RTN1: variants seen among roughly 807,000 people sequenced by gnomAD.
The protein encoded by RTN1 is reticulon-1.
A neutral mutation model predicts 65.5 loss-of-function variants in RTN1; 25 were observed. That is an observed-to-expected ratio of 0.38 (90% confidence interval 0.28 to 0.53). The LOEUF is 0.53. Among genes scored for constraint, RTN1 ranks in the 20% least tolerant of loss-of-function variants. RTN1 has a pLI of 0.79. For missense variants in RTN1, 983 were observed against 1,025.4 expected, an observed-to-expected ratio of 0.96 and a Z score of 0.57; for synonymous variants, 471 against 447.6, an observed-to-expected ratio of 1.05 and a Z score of -0.66.
At chr14:59,826,436 G>A (rs937149784) in intron 1 of RTN1, among the ~76,000 whole-genome samples, 11 of 152,154 alleles carry the variant, frequency 7.2e-5, no homozygotes, top group African/African-American at 2.4e-4. Flanking sequence ...ATTCCAGTGA[G>A]CTATGTCTAT....
intron 3 of RTN1, among the ~76,000 whole-genome samples, chr14:59,715,023 G>A (rs533719089): frequency 6.6e-6 from 1 of 152,242 alleles, no homozygotes; most frequent in South Asian, 2.1e-4. Context: ...GCTTTGAGGT[G>A]GAACAGTTTC....
In RTN1 at chr14:59,774,490, G is replaced by T. The variant is rs1298593172; in HGVS notation, c.242-28009C>A. Among the ~76,000 whole-genome samples the T allele has an allele frequency of 2.0e-5, 3 of 152,038 alleles. No homozygotes were observed. The highest frequency in any genetic ancestry group is 4.8e-5 in the African/African-American group (2 of 41,376). ...TGAAGTAATTAGGCAAATAATGCAG[G>T]CCAAAAATATGTCTGAAAGCTACTT... On this transcript the variant is annotated intron_variant, in intron 1 of 8. Coordinates refer to ENST00000267484, the MANE Select transcript of RTN1 (RefSeq NM_021136.3). This position sits in a 1 kb window ranked among gnomAD's most constrained non-coding sequence, Gnocchi z 5.1.
At chr14:59,802,725 A>G (rs1352785250) in intron 1 of RTN1, among the ~76,000 whole-genome samples, 1 of 152,226 alleles carries the variant, frequency 6.6e-6, no homozygotes, top group Non-Finnish European at 1.5e-5. Flanking sequence ...CCACTGGGGA[A>G]GCATCACAGG....
intron 1 of RTN1, among the ~76,000 whole-genome samples, chr14:59,857,377 T>C (rs978708503): frequency 6.6e-6 from 1 of 152,214 alleles, no homozygotes; most frequent in Non-Finnish European, 1.5e-5. Flanking sequence ...TCCATTCAAA[T>C]GGCTTGTCAT....
At position 59,836,624 on chromosome 14, in the gene RTN1, T is replaced by C. The variant is rs1887217289; in HGVS notation, c.241+33766A>G. ...AATAGTGGCAGCAGGAAAGCAAAAATGCATTTTTGAGGACCAGCAAGGAAT... is the reference window on the plus strand; with the variant it reads ...AATAGTGGCAGCAGGAAAGCAAAAACGCATTTTTGAGGACCAGCAAGGAAT... On this transcript the variant is annotated intron_variant, in intron 1 of 8. Coordinates refer to ENST00000267484, the MANE Select transcript of RTN1 (RefSeq NM_021136.3). This position sits in a 1 kb window ranked among gnomAD's most constrained non-coding sequence, Gnocchi z 4.9. Among the ~76,000 whole-genome samples, 1 of 152,046 alleles carries C rather than the reference T, an allele frequency of 6.6e-6. No individual in the cohort carries two copies.
chr14:59,630,428 C>T (rs1882515379), intron 3 of RTN1: 1 of 1,613,156 alleles, frequency 6.2e-7, no homozygotes, highest in Admixed American at 1.7e-5. Flanking sequence ...GCATGCACTA[C>T]TGAAATAAAG....
rs182664573 is a variant in RTN1 at position 59,736,546 on chromosome 14, C to G, written c.1016-8878G>C. Among the ~76,000 whole-genome samples the G allele has an allele frequency of 3.1e-3, 466 of 152,172 alleles. 1 individual carries two copies. Among genetic ancestry groups the G allele is most frequent in the Admixed American group, 4.6e-3 (70 of 15,308 alleles). On this transcript the variant is annotated intron_variant, in intron 2 of 8. Transcript: ENST00000267484. ...AGACAACAATAAATAGCCTACCAAC[C>G]AAACAAAAGCCCAGGACCAGGGACA...
intron 1 of RTN1, among the ~76,000 whole-genome samples, chr14:59,866,647 A>C (rs1450257816): frequency 6.6e-6 from 1 of 152,194 alleles, no homozygotes; most frequent in Non-Finnish European, 1.5e-5. Flanking sequence ...CCACAGAAAT[A>C]AATTGCATTA....
chr14:59,860,631 C>G (rs1887691701), intron 1 of RTN1, among the ~76,000 whole-genome samples: 1 of 152,174 alleles, frequency 6.6e-6, no homozygotes, highest in African/African-American at 2.4e-5. Context: ...CACAGGCACT[C>G]AATGCCAGCC....
intron 1 of RTN1, among the ~76,000 whole-genome samples, chr14:59,797,884 A>G (rs1886468170): frequency 6.6e-6 from 1 of 152,206 alleles, no homozygotes; most frequent in Non-Finnish European, 1.5e-5. Flanking sequence ...TGACCCAGTG[A>G]TGCCAACATT....
chr14:59,611,472 G>T (rs997886112), intron 3 of RTN1, among the ~76,000 whole-genome samples: 1 of 152,166 alleles, frequency 6.6e-6, no homozygotes, highest in African/African-American at 2.4e-5. Flanking sequence ...TCTGTCTGTA[G>T]CCCCATTGCA....
At chr14:59,658,918 G>C (rs918835411) in intron 3 of RTN1, among the ~76,000 whole-genome samples, 1 of 152,064 alleles carries the variant, frequency 6.6e-6, no homozygotes, top group Non-Finnish European at 1.5e-5. Context: ...TCAGAAGGTG[G>C]GTGATAACAA....
At chr14:59,633,016 C>T (rs1193579348) in intron 3 of RTN1, among the ~76,000 whole-genome samples, 1 of 152,146 alleles carries the variant, frequency 6.6e-6, no homozygotes, top group African/African-American at 2.4e-5. Context: ...GTGGGAAGAT[C>T]ACTTGAACCC....
chr14:59,679,903 G>T (rs1288362064), intron 3 of RTN1, among the ~76,000 whole-genome samples: 1 of 152,084 alleles, frequency 6.6e-6, no homozygotes, highest in African/African-American at 2.4e-5. Context: ...GGGGGTTGGG[G>T]TTTGTTTTTC....
At chr14:59,780,413 T>A (rs569875974) in intron 1 of RTN1, among the ~76,000 whole-genome samples, 2 of 152,318 alleles carry the variant, frequency 1.3e-5, no homozygotes, top group Non-Finnish European at 2.9e-5. Context: ...TGGATTTATA[T>A]CCAATTGTCA....
intron 3 of RTN1, among the ~76,000 whole-genome samples, chr14:59,614,095 A>C (rs987053427): frequency 2.0e-5 from 3 of 152,192 alleles, no homozygotes; most frequent in African/African-American, 7.2e-5. Flanking sequence ...CTGGGAGATG[A>C]GACTCCCAGG....
chr14:59,661,625 A>T (rs1883249518), intron 3 of RTN1, among the ~76,000 whole-genome samples: 1 of 152,248 alleles, frequency 6.6e-6, no homozygotes, highest in Non-Finnish European at 1.5e-5. Context: ...GTAATCCATC[A>T]CATAAACAGA....
chr14:59,811,981 T>A (rs939019177), intron 1 of RTN1, among the ~76,000 whole-genome samples: 5 of 152,158 alleles, frequency 3.3e-5, no homozygotes, highest in Admixed American at 3.3e-4. Context: ...GGAAGGTTAG[T>A]GCCTTCCCTC....
chr14:59,681,584 T>C (rs1459166609), intron 3 of RTN1, among the ~76,000 whole-genome samples: 1 of 152,158 alleles, frequency 6.6e-6, no homozygotes, highest in Non-Finnish European at 1.5e-5. Context: ...CTCATGCTCA[T>C]AGTTACCACC....
Sources: allele counts gnomAD v4.1 joint callset (sites outside exome capture counted in the v4.1 genomes callset), GRCh38; gene constraint gnomAD v4.1.1; non-coding constraint Gnocchi (gnomAD v3.1); transcripts MANE v1.5; gene names NCBI Gene and HGNC (gene_info 2026-07-23, HGNC 2026-07-21).